Variants in NRXN1 observed in about 807,000 individuals in gnomAD.
The protein encoded by NRXN1 is neurexin 1, also known as neurexin-1.
A neutral mutation model predicts 150.9 loss-of-function variants in NRXN1; 39 were observed. The observed-to-expected ratio is 0.26, with a 90% CI of 0.20 to 0.34. The LOEUF (loss-of-function observed/expected upper bound fraction) is 0.34, where lower values mean the gene tolerates loss of function less well. Among genes scored for constraint, NRXN1 ranks in the 10% least tolerant of loss-of-function variants. The pLI is 1.00. For synonymous variants in NRXN1, 924 were observed against 757.0 expected (o/e 1.22, Z -3.62); for missense variants, 1,815 against 1,949.9 (o/e 0.93, Z 1.30).
chr2:50,738,991 G>C (rs1446602061), intron 5 of NRXN1, among the ~76,000 whole-genome samples: 3 of 152,066 alleles, frequency 2.0e-5, no homozygotes, highest in African/African-American at 7.2e-5. Flanking sequence ...TGGAACACTT[G>C]GTTTGGCTCA....
chr2:49,940,784 C>T (rs1377531209), intron 22 of NRXN1, among the ~76,000 whole-genome samples: 2 of 152,118 alleles, frequency 1.3e-5, no homozygotes, highest in African/African-American at 4.8e-5. Flanking sequence ...AGAGATTTAA[C>T]ATCAGAAATC....
chr2:50,424,215 G>C (rs1380789411), intron 17 of NRXN1, among the ~76,000 whole-genome samples: 13 of 106,148 alleles, frequency 1.2e-4, no homozygotes, highest in African/African-American at 5.1e-4. Context: ...AAGAGGAGGA[G>C]AAGGAGAAGA....
At chr2:50,984,856 C>T (rs1445288217) in intron 2 of NRXN1, among the ~76,000 whole-genome samples, 1 of 151,828 alleles carries the variant, frequency 6.6e-6, no homozygotes, top group Non-Finnish European at 1.5e-5. Flanking sequence ...TTGTATTTAC[C>T]CCAAATTTTA....
chr2:50,253,277 G>C (rs553680658), intron 17 of NRXN1, among the ~76,000 whole-genome samples: 2 of 152,144 alleles, frequency 1.3e-5, no homozygotes, highest in African/African-American at 4.8e-5. Context: ...TTGAGACTTT[G>C]CTGAAGTTGT....
At chr2:50,377,304 G>C (rs1344729708) in intron 17 of NRXN1, among the ~76,000 whole-genome samples, 3 of 151,986 alleles carry the variant, frequency 2.0e-5, no homozygotes, top group African/African-American at 7.2e-5. Flanking sequence ...GTGGCCATGT[G>C]TTCTCATTGT....
chr2:50,259,994 T>C (rs1300235164), intron 17 of NRXN1, among the ~76,000 whole-genome samples: 1 of 151,870 alleles, frequency 6.6e-6, no homozygotes, highest in Non-Finnish European at 1.5e-5. Flanking sequence ...TCTGCACTTC[T>C]TGTACCTTTC....
intron 17 of NRXN1, among the ~76,000 whole-genome samples, chr2:50,427,729 A>G (rs1489032573): frequency 6.6e-6 from 1 of 152,232 alleles, no homozygotes; most frequent in Non-Finnish European, 1.5e-5. Context: ...TGCTTCAGTC[A>G]GTAATTGAAC....
chr2:50,792,784 G>A (rs1006829716), intron 5 of NRXN1, among the ~76,000 whole-genome samples: 3 of 152,048 alleles, frequency 2.0e-5, no homozygotes, highest in South Asian at 2.1e-4. Context: ...AGATACTTTA[G>A]AGAATTTATT....
At chr2:50,122,496 C>A (rs1382695554) in intron 18 of NRXN1, among the ~76,000 whole-genome samples, 1 of 152,216 alleles carries the variant, frequency 6.6e-6, no homozygotes, top group Non-Finnish European at 1.5e-5. Context: ...AACCCTATCC[C>A]CACTTGCTGT....
chr2:50,964,103 C>T (rs1693663553), intron 2 of NRXN1: 1 of 297,930 alleles, frequency 3.4e-6, no homozygotes, highest in Non-Finnish European at 6.8e-6. Flanking sequence ...GTTATTTCGA[C>T]AACGATTACA....
intron 12 of NRXN1, among the ~76,000 whole-genome samples, chr2:50,522,719 C>CTTTTTTT: frequency 1.2e-5 from 1 of 86,596 alleles, no homozygotes; most frequent in Admixed American, 1.3e-4. Context: ...TATTTTTATT[C>CTTTTTTT]ATTTTTTTTT....
intron 17 of NRXN1, among the ~76,000 whole-genome samples, chr2:50,461,782 A>T (rs1439626271): frequency 6.6e-6 from 1 of 151,988 alleles, no homozygotes; most frequent in Non-Finnish European, 1.5e-5. Flanking sequence ...AAACAAAGGA[A>T]GTTTCCATGG....
intron 8 of NRXN1, among the ~76,000 whole-genome samples, chr2:50,563,539 C>G (rs1181982258): frequency 6.6e-6 from 1 of 152,056 alleles, no homozygotes; most frequent in Non-Finnish European, 1.5e-5. Context: ...ATGAATTATT[C>G]TCAGTGAAGA....
At chr2:50,287,888 T>C (rs1220638935) in intron 17 of NRXN1, among the ~76,000 whole-genome samples, 1 of 152,176 alleles carries the variant, frequency 6.6e-6, no homozygotes, top group Non-Finnish European at 1.5e-5. Context: ...TTTGCTAGCC[T>C]ATTATTTCCT....
At chr2:50,200,098 T>A (rs2062051639) in intron 18 of NRXN1, among the ~76,000 whole-genome samples, 1 of 152,172 alleles carries the variant, frequency 6.6e-6, no homozygotes, top group Non-Finnish European at 1.5e-5. Context: ...AGTTTATGAA[T>A]GTACAATCTA....
At chr2:50,833,472 A>T (rs527642115) in intron 5 of NRXN1, among the ~76,000 whole-genome samples, 94 of 152,328 alleles carry the variant, frequency 6.2e-4, no homozygotes, top group Non-Finnish European at 1.1e-3. Context: ...CATACCAATA[A>T]AAAGGAGCAA....
chr2:50,824,313 T>A (rs975044127), intron 5 of NRXN1, among the ~76,000 whole-genome samples: 1 of 151,864 alleles, frequency 6.6e-6, no homozygotes, highest in Admixed American at 6.6e-5. Context: ...TGTGTGTGTG[T>A]GTGTGTGTGT....
At chr2:50,846,482 G>T (rs761312812) in intron 5 of NRXN1, among the ~76,000 whole-genome samples, 1 of 151,636 alleles carries the variant, frequency 6.6e-6, no homozygotes, top group Non-Finnish European at 1.5e-5. Context: ...TCATGCTACT[G>T]TGTTTGTCTT....
intron 2 of NRXN1, among the ~76,000 whole-genome samples, chr2:50,934,420 C>G (rs1011169085): frequency 6.6e-6 from 1 of 151,950 alleles, no homozygotes; most frequent in Admixed American, 6.6e-5. Context: ...TTTGTTTGTA[C>G]GTATTAGAAA....
Sources: gnomAD v4.1 joint callset for allele counts (sites outside exome capture counted in the v4.1 genomes callset) on GRCh38, gnomAD v4.1.1 for gene constraint, MANE v1.5 for transcripts, NCBI Gene and HGNC (gene_info 2026-07-23, HGNC 2026-07-21) for gene names.